SSBP2: variants seen among roughly 807,000 people sequenced by gnomAD.
The protein encoded by SSBP2 is single-stranded DNA-binding protein 2.
Under a neutral mutation model 61.8 loss-of-function variants are expected in SSBP2, and 17 were observed. The ratio of observed to expected loss-of-function variants is 0.28; its 90% CI spans 0.19 to 0.41. The LOEUF is 0.41. Ranked by LOEUF, SSBP2 falls within the 10% of genes least tolerant of loss-of-function variation. SSBP2 has a pLI of 1.00. For missense variants in SSBP2, 310 were observed against 458.7 expected, an observed-to-expected ratio of 0.68 and a Z score of 2.96; for synonymous variants, 139 against 141.3, an observed-to-expected ratio of 0.98 and a Z score of 0.12.
At chr5:81,635,946 C>A (rs2153671772) in intron 3 of SSBP2, among the ~76,000 whole-genome samples, 1 of 152,256 alleles carries the variant, frequency 6.6e-6, no homozygotes, top group Admixed American at 6.5e-5. Context: ...CTCCCAAATT[C>A]ATATATTGAA....
intron 1 of SSBP2, among the ~76,000 whole-genome samples, chr5:81,716,699 C>A (rs929033875): frequency 2.6e-5 from 4 of 152,180 alleles, no homozygotes; most frequent in Non-Finnish European, 4.4e-5. Flanking sequence ...AGCATCACTT[C>A]TTCAACTTCA....
chr5:81,723,216 T>C (rs1581422009), intron 1 of SSBP2, among the ~76,000 whole-genome samples: 1 of 152,044 alleles, frequency 6.6e-6, no homozygotes, highest in African/African-American at 2.4e-5. Flanking sequence ...TGAGATTACA[T>C]AACTTCTTCC....
intron 4 of SSBP2, among the ~76,000 whole-genome samples, chr5:81,599,224 G>C (rs1301370712): frequency 1.3e-5 from 2 of 152,120 alleles, no homozygotes; most frequent in South Asian, 2.1e-4. Flanking sequence ...GTAAGCTAAG[G>C]ATGTTAACCA....
At chr5:81,583,462 T>A (rs1017362555) in intron 4 of SSBP2, among the ~76,000 whole-genome samples, 3 of 151,778 alleles carry the variant, frequency 2.0e-5, no homozygotes, top group Admixed American at 2.0e-4. Context: ...ACCCCGTCTC[T>A]ACTAAAAATG....
chr5:81,613,042 C>G (rs1356242286), intron 4 of SSBP2, among the ~76,000 whole-genome samples: 1 of 151,972 alleles, frequency 6.6e-6, no homozygotes, highest in African/African-American at 2.4e-5. Flanking sequence ...TTTTAAAAAT[C>G]CAATTGTAAT....
chr5:81,481,178 A>G (rs376128119), intron 6 of SSBP2, among the ~76,000 whole-genome samples: 50 of 152,268 alleles, frequency 3.3e-4, no homozygotes, highest in Middle Eastern at 6.8e-3. Context: ...ATTAATGTTG[A>G]TATTTTGACC....
At chr5:81,433,915 C>T (rs1391372208) in intron 15 of SSBP2, among the ~76,000 whole-genome samples, 3 of 152,194 alleles carry the variant, frequency 2.0e-5, no homozygotes, top group African/African-American at 4.8e-5. Context: ...GAGTTCCTAG[C>T]CTTGTCCACA....
At chr5:81,709,315 T>C (rs914009243) in intron 1 of SSBP2, among the ~76,000 whole-genome samples, 1 of 151,966 alleles carries the variant, frequency 6.6e-6, no homozygotes, top group African/African-American at 2.4e-5. Flanking sequence ...TAACCCACTA[T>C]AGCTATGCAA....
chr5:81,492,060 T>C (rs1040747328), intron 5 of SSBP2, among the ~76,000 whole-genome samples: 3 of 152,348 alleles, frequency 2.0e-5, no homozygotes, highest in South Asian at 4.1e-4. Flanking sequence ...TCAATTTGCT[T>C]TCAAATGAAA....
chr5:81,622,201 G>C lies in SSBP2; in HGVS notation c.198-6644C>G, dbSNP rs575228135. Reference sequence around the variant, plus strand: ...GAACAGTGGGAAGTGAAGCAGACTGGGGGGGAAAAATTATGCTCCTTACAA... The same window carrying C: ...GAACAGTGGGAAGTGAAGCAGACTGCGGGGGAAAAATTATGCTCCTTACAA... On this transcript the variant is annotated intron_variant, in intron 3 of 16. Transcript: ENST00000320672. Among the ~76,000 whole-genome samples, 18 of 151,832 alleles carry C rather than the reference G, an allele frequency of 1.2e-4. No homozygotes were observed. In the East Asian group the frequency reaches 1.7e-3, roughly 15 times the overall value.
chr5:81,614,126 C>T (rs959376769), intron 4 of SSBP2, among the ~76,000 whole-genome samples: 1 of 151,840 alleles, frequency 6.6e-6, no homozygotes, highest in Non-Finnish European at 1.5e-5. Context: ...TTTGGGAGGC[C>T]GAGGCGGGCG....
intron 12 of SSBP2, among the ~76,000 whole-genome samples, chr5:81,444,077 A>G (rs1763214250): frequency 6.6e-6 from 1 of 152,220 alleles, no homozygotes. Flanking sequence ...GGCTGTGAAC[A>G]ATGACCCATA....
chr5:81,673,099 C>T (rs561387260), intron 1 of SSBP2, among the ~76,000 whole-genome samples: 2 of 152,272 alleles, frequency 1.3e-5, no homozygotes, highest in Admixed American at 1.3e-4. Context: ...CCTCGGCCTC[C>T]CAAAGTGCTG....
intron 1 of SSBP2, among the ~76,000 whole-genome samples, chr5:81,666,518 G>A (rs1751151844): frequency 6.6e-6 from 1 of 152,100 alleles, no homozygotes; most frequent in Admixed American, 6.6e-5. Flanking sequence ...ACCTCATATA[G>A]AAAGGCAATT....
chr5:81,748,973 C>T (rs186676245), intron 1 of SSBP2, among the ~76,000 whole-genome samples: 126 of 152,174 alleles, frequency 8.3e-4, no homozygotes, highest in Middle Eastern at 3.4e-3. Flanking sequence ...TGGAAGTTCA[C>T]CTAAAATCTA....
At chr5:81,650,436 A>C (rs1405958013) in intron 1 of SSBP2, 97 bp from the exon 2 acceptor site, 2 of 711,508 alleles carry the variant, frequency 2.8e-6, no homozygotes, top group Non-Finnish European at 4.3e-6. Context: ...CTTACACACT[A>C]ACAGTGACCA....
At chr5:81,650,472 C>A in intron 1 of SSBP2, 133 bp from the exon 2 acceptor site, 4 of 476,012 alleles carry the variant, frequency 8.4e-6, no homozygotes, top group Non-Finnish European at 1.5e-5. Flanking sequence ...CATACTATTT[C>A]AATAGGAATT....
rs142772717 is a variant in SSBP2, at chr5:81,498,818, C to T, written c.373-9509G>A. 3.5e-3 allele frequency among the ~76,000 whole-genome samples: 527 copies of T among 152,064 alleles called. 3 individuals are homozygous for T. Among genetic ancestry groups the T allele is most frequent in the Middle Eastern group, 6.9e-3 (2 of 290 alleles). On this transcript the variant is annotated intron_variant, in intron 5 of 16. Coordinates refer to ENST00000320672, the MANE Select transcript of SSBP2 (RefSeq NM_012446.5). ...TAAATAAATAATATTGAGAATATTA[C>T]GTTGAAAAATCACTAGAGTATTGTG...
chr5:81,582,984 G>A (rs1467221550), intron 4 of SSBP2, among the ~76,000 whole-genome samples: 2 of 152,128 alleles, frequency 1.3e-5, no homozygotes, highest in African/African-American at 2.4e-5. Flanking sequence ...ACTTTGGGAG[G>A]CCAAGGCAGG....
Sources: gnomAD v4.1 joint callset for allele counts (sites outside exome capture counted in the v4.1 genomes callset) on GRCh38, gnomAD v4.1.1 for gene constraint, MANE v1.5 for transcripts, NCBI Gene and HGNC (gene_info 2026-07-23, HGNC 2026-07-21) for gene names.